Variants in PPP2R1B observed in about 807,000 individuals in gnomAD.
The protein encoded by PPP2R1B is protein phosphatase 2 scaffold subunit Abeta.
Under a neutral mutation model 72.7 loss-of-function variants are expected in PPP2R1B, and 58 were observed. That is an observed-to-expected ratio of 0.80 (90% CI 0.65 to 0.99). The LOEUF (loss-of-function observed/expected upper bound fraction) is 0.99, where lower values mean the gene tolerates loss of function less well. Among genes scored for constraint, PPP2R1B ranks in the 50% least tolerant of loss-of-function variants. PPP2R1B has a pLI of 0.00. For synonymous variants in PPP2R1B, 256 were observed against 264.6 expected, an observed-to-expected ratio of 0.97 and a Z score of 0.32; for missense variants, 695 against 733.6, an observed-to-expected ratio of 0.95 and a Z score of 0.61.
chr11:111,754,135 T>C (rs1591698698), intron 8 of PPP2R1B, among the ~76,000 whole-genome samples: 1 of 152,250 alleles, frequency 6.6e-6, no homozygotes, highest in African/African-American at 2.4e-5. Flanking sequence ...CAGGCTGGTC[T>C]CAAACTCCTG....
Position 111,738,439 on chromosome 11 carries a change from C to T in PPP2R1B, c.*3157G>A. The T allele has an allele frequency of 1.0e-6, 1 of 985,502 alleles. No individual in the cohort carries two copies. The highest frequency in any genetic ancestry group is 1.2e-6 in the Non-Finnish European group (1 of 829,976). The allele number at this position is 985,502 out of a possible 1,614,324, so 61.0% of individuals were successfully genotyped here. A position where few individuals can be genotyped will look rare whatever the true frequency, so the allele number is the denominator to read the frequency against. On this transcript the variant is annotated 3_prime_UTR_variant, in exon 15 of 15. Coordinates refer to ENST00000527614, the MANE Select transcript of PPP2R1B (RefSeq NM_002716.5). ...GCCTTTCAGTTTAGTGACAACACAACAGTTAACAAAGGAACAAAAGTGCAC... is the reference window on the plus strand; with the variant it reads ...GCCTTTCAGTTTAGTGACAACACAATAGTTAACAAAGGAACAAAAGTGCAC...
At chr11:111,706,959 CAAA>C in the PPP2R1B span, among the ~76,000 whole-genome samples, 5 of 52,074 alleles carry the variant, frequency 9.6e-5, no homozygotes, top group Admixed American at 2.0e-4. Flanking sequence ...GACTCCGTCT[CAAA>C]AAAAAAAAAA....
chr11:111,741,677 T>C, intron 14 of PPP2R1B, 65 bp from the exon 15 acceptor site: 1 of 1,528,082 alleles, frequency 6.5e-7, no homozygotes, highest in Non-Finnish European at 9.0e-7. Flanking sequence ...TATGTGAATA[T>C]TAAGCACAAT....
In PPP2R1B at chr11:111,740,113, G is replaced by A. The variant is rs12270084; in HGVS notation, c.*1483C>T. ...AAAATCAACAATTCAAAAACCAAAA[G>A]GGTAACAAGCAAACCTCATAGCAAG... On this transcript the variant is annotated 3_prime_UTR_variant, in exon 15 of 15. Coordinates refer to ENST00000527614, the MANE Select transcript of PPP2R1B (RefSeq NM_002716.5). 1.7e-3 allele frequency: 1,682 copies of A among 985,342 alleles called. 22 individuals are homozygous for A. In the African/African-American group the frequency reaches 0.027, roughly 16 times the overall value. 61.0% of individuals were successfully genotyped at this position (985,342 alleles called of 1,614,324 possible).
the PPP2R1B span, among the ~76,000 whole-genome samples, chr11:111,703,001 C>T: frequency 6.6e-6 from 1 of 152,200 alleles, no homozygotes; most frequent in Non-Finnish European, 1.5e-5. Flanking sequence ...CCTACACCCT[C>T]CTGTTTTTCT....
At chr11:111,713,839 C>A in the PPP2R1B span, among the ~76,000 whole-genome samples, 1 of 151,950 alleles carries the variant, frequency 6.6e-6, no homozygotes. Context: ...AGGTTGCGGG[C>A]GCCTGTAATC....
At chr11:111,720,474 A>C in the PPP2R1B span, 1 of 1,594,870 alleles carries the variant, frequency 6.3e-7, no homozygotes, top group Non-Finnish European at 8.5e-7. Context: ...GTTTTCTCTT[A>C]AAGGGAAAAT....
At chr11:111,729,537 G>A (rs1257598295) in intron 15 of PPP2R1B, 3 of 152,274 alleles carry the variant, frequency 2.0e-5, no homozygotes, top group Non-Finnish European at 2.9e-5. Context: ...GTGATAGAAG[G>A]AGCTGGGACA....
intron 15 of PPP2R1B, chr11:111,727,818 AAGC>A (rs1055308668): frequency 7.9e-5 from 12 of 152,280 alleles, no homozygotes; most frequent in South Asian, 4.1e-4. Flanking sequence ...TGTGGGCACT[AAGC>A]AGCCTCTGGA....
downstream of PPP2R1B, among the ~76,000 whole-genome samples, chr11:111,735,562 T>G (rs1944315733): frequency 6.6e-6 from 1 of 152,130 alleles, no homozygotes; most frequent in Non-Finnish European, 1.5e-5. Context: ...CCTGCCTGGG[T>G]GGACACATGT....
At chr11:111,696,111 T>C in the PPP2R1B span, among the ~76,000 whole-genome samples, 1 of 152,294 alleles carries the variant, frequency 6.6e-6, no homozygotes, top group South Asian at 2.1e-4. Flanking sequence ...TGATCTGTAA[T>C]TAAAGACTCT....
intron 4 of PPP2R1B, among the ~76,000 whole-genome samples, chr11:111,760,470 A>G (rs1945283640): frequency 6.6e-6 from 1 of 152,108 alleles, no homozygotes; most frequent in Non-Finnish European, 1.5e-5. Flanking sequence ...AGCATGAGCC[A>G]CTGCATCCAG....
chr11:111,748,543 C>T (rs909753479), intron 10 of PPP2R1B, among the ~76,000 whole-genome samples: 1 of 152,220 alleles, frequency 6.6e-6, no homozygotes, highest in Non-Finnish European at 1.5e-5. Flanking sequence ...GACTACAGGG[C>T]ATATGGCCCA....
chr11:111,755,121 A>C, intron 6 of PPP2R1B, 27 bp from the exon 7 acceptor site: 1 of 1,576,250 alleles, frequency 6.3e-7, no homozygotes, highest in Non-Finnish European at 8.7e-7. Context: ...ACGGGTTTTA[A>C]TGTATACTAA....
At chr11:111,737,399 G>A (rs1262721100), downstream of PPP2R1B, 10 of 1,613,322 alleles carry the variant, frequency 6.2e-6, no homozygotes, top group East Asian at 2.0e-4. Flanking sequence ...CACCCTGGCT[G>A]CCCGCAGCCC....
intron 15 of PPP2R1B, chr11:111,727,191 G>A (rs1306773616): frequency 1.8e-5 from 13 of 729,854 alleles, no homozygotes; most frequent in Non-Finnish European, 1.4e-5. Flanking sequence ...GGAAAAGGAG[G>A]CTGATGGTTC....
At chr11:111,704,874 T>G in the PPP2R1B span, 1 of 1,275,654 alleles carries the variant, frequency 7.8e-7, no homozygotes, top group Non-Finnish European at 1.1e-6. Flanking sequence ...CACTTTGTTT[T>G]TCACCCTATT....
At chr11:111,701,197 T>C in the PPP2R1B span, among the ~76,000 whole-genome samples, 3 of 152,252 alleles carry the variant, frequency 2.0e-5, no homozygotes, top group South Asian at 6.2e-4. The surrounding 1 kb of genome is among the most constrained non-coding windows in gnomAD (Gnocchi z 4.2). Flanking sequence ...AGGATAGGTG[T>C]TGTCATCCTA....
At chr11:111,715,793 C>CTT in the PPP2R1B span, among the ~76,000 whole-genome samples, 2,880 of 81,662 alleles carry the variant, frequency 0.035, 17 homozygotes, top group East Asian at 0.045. Flanking sequence ...TCATTTTTAG[C>CTT]TTTTTTTTTT....
Sources: gnomAD v4.1 joint callset for allele counts (sites outside exome capture counted in the v4.1 genomes callset) on GRCh38, gnomAD v4.1.1 for gene constraint, Gnocchi (gnomAD v3.1) non-coding constraint, MANE v1.5 for transcripts, NCBI Gene and HGNC (gene_info 2026-07-23, HGNC 2026-07-21) for gene names.